The following NRG1 variants were observed in gnomAD, a reference collection of about 807,000 sequenced individuals.
The protein encoded by NRG1 is neuregulin 1.
A neutral mutation model predicts 63.8 loss-of-function variants in NRG1; 18 were observed. The ratio of observed to expected loss-of-function variants is 0.28; its 90% CI spans 0.19 to 0.42. NRG1 has a LOEUF of 0.42. Among genes scored for constraint, NRG1 ranks in the 10% least tolerant of loss-of-function variants. NRG1 has a pLI of 1.00. For missense variants in NRG1, 762 were observed against 814.7 expected (o/e 0.94, Z 0.79); for synonymous variants, 302 against 301.3 (o/e 1.00, Z -0.02).
At chr8:32,248,038 G>C (rs1848753769) in intron 1 of NRG1, among the ~76,000 whole-genome samples, 2 of 152,050 alleles carry the variant, frequency 1.3e-5, no homozygotes, top group African/African-American at 4.8e-5. Flanking sequence ...TTTCCCACAA[G>C]CGTTTTACAA....
intron 1 of NRG1, among the ~76,000 whole-genome samples, chr8:32,485,746 T>C (rs544418729): frequency 1.3e-5 from 2 of 152,236 alleles, no homozygotes; most frequent in South Asian, 4.1e-4. Flanking sequence ...TTGCTGCTTC[T>C]GTGGCATTTC....
intron 1 of NRG1, among the ~76,000 whole-genome samples, chr8:31,673,006 A>G (rs1481187907): frequency 6.6e-6 from 1 of 150,826 alleles, no homozygotes; most frequent in African/African-American, 2.4e-5. Context: ...GGAAAATAAT[A>G]TTACCACATT....
At chr8:32,094,445 T>A (rs1016847019) in intron 1 of NRG1, among the ~76,000 whole-genome samples, 2 of 152,192 alleles carry the variant, frequency 1.3e-5, no homozygotes, top group African/African-American at 4.8e-5. Context: ...GACCTTGTTA[T>A]CTTTCCACCA....
intron 1 of NRG1, among the ~76,000 whole-genome samples, chr8:32,323,710 A>AGG (rs1801681970): frequency 6.6e-6 from 1 of 152,088 alleles, no homozygotes; most frequent in Non-Finnish European, 1.5e-5. Flanking sequence ...TTTCTCCTTT[A>AGG]GCTCTCTAAT....
At chr8:31,816,290 C>T (rs555693728) in intron 1 of NRG1, among the ~76,000 whole-genome samples, 92 of 152,252 alleles carry the variant, frequency 6.0e-4, no homozygotes, top group African/African-American at 2.2e-3. Context: ...GCTCTGACTC[C>T]CTTTCTCCAG....
intron 1 of NRG1, among the ~76,000 whole-genome samples, chr8:32,563,342 G>A (rs1836813282): frequency 6.6e-6 from 1 of 152,166 alleles, no homozygotes. Context: ...GTAGGAAACA[G>A]CTTATCTTCT....
intron 1 of NRG1, among the ~76,000 whole-genome samples, chr8:32,355,252 A>T (rs890361013): frequency 6.6e-6 from 1 of 152,110 alleles, no homozygotes; most frequent in African/African-American, 2.4e-5. Context: ...TGAGCTCAGG[A>T]GTTCAAAACC....
intron 1 of NRG1, among the ~76,000 whole-genome samples, chr8:31,779,459 GA>G (rs57749982): frequency 0.015 from 2,182 of 145,642 alleles, 20 homozygotes; most frequent in African/African-American, 0.032. Context: ...GCCCAGAAGG[GA>G]AAAAAAAAAA....
chr8:32,221,251 A>G (rs966634781), intron 1 of NRG1: 9 of 152,230 alleles, frequency 5.9e-5, no homozygotes, highest in African/African-American at 2.2e-4. Flanking sequence ...GATCTACAGC[A>G]ATGCAATGTT....
chr8:32,553,767 A>G (rs753233172), intron 1 of NRG1, among the ~76,000 whole-genome samples: 23 of 152,198 alleles, frequency 1.5e-4, no homozygotes, highest in Non-Finnish European at 2.8e-4. Context: ...TTTATCAAGC[A>G]TAACAGTATA....
intron 5 of NRG1, among the ~76,000 whole-genome samples, chr8:32,676,638 A>G (rs1314158504): frequency 6.6e-6 from 1 of 152,206 alleles, no homozygotes; most frequent in Admixed American, 6.5e-5. Flanking sequence ...AACTTTAACA[A>G]CGGCTGACAC....
intron 1 of NRG1, among the ~76,000 whole-genome samples, chr8:32,301,814 A>G (rs1855597769): frequency 6.6e-6 from 1 of 152,228 alleles, no homozygotes; most frequent in African/African-American, 2.4e-5. Context: ...TTCCTCCCAC[A>G]ACACGTAAGA....
intron 1 of NRG1, among the ~76,000 whole-genome samples, chr8:32,193,304 TTGTG>T (rs142841681): frequency 8.1e-5 from 12 of 148,066 alleles, no homozygotes; most frequent in Middle Eastern, 3.4e-3. Flanking sequence ...TTTTCTACCT[TTGTG>T]TGTGTGTGTG....
chr8:31,868,928 A>G (rs1829237075), intron 1 of NRG1, among the ~76,000 whole-genome samples: 1 of 152,210 alleles, frequency 6.6e-6, no homozygotes, highest in Admixed American at 6.5e-5. Context: ...GATCACCTCT[A>G]AAATCAGGAT....
intron 1 of NRG1, among the ~76,000 whole-genome samples, chr8:31,808,421 G>C (rs554949764): frequency 6.6e-6 from 1 of 151,846 alleles, no homozygotes; most frequent in Non-Finnish European, 1.5e-5. Flanking sequence ...AGATAATTTA[G>C]CCCATTCACA....
At chr8:32,344,204 C>T (rs1170832442) in intron 1 of NRG1, among the ~76,000 whole-genome samples, 1 of 152,140 alleles carries the variant, frequency 6.6e-6, no homozygotes, top group Non-Finnish European at 1.5e-5. Flanking sequence ...TTGTACCCAT[C>T]TGGGTTCTTC....
In NRG1 at chr8:32,247,560, T is replaced by C. The variant is rs1168247623; in HGVS notation, c.38-348268T>C. ...CAGTTTCAGATGCAATAGATATCAC[T>C]TAGGAATCAGTTTTGGGAGGGAAAA... On this transcript the variant is annotated intron_variant, in intron 1 of 10. Coordinates refer to the NRG1 transcript ENST00000519301. Among the ~76,000 whole-genome samples, 4 of 152,072 alleles carry C rather than the reference T, an allele frequency of 2.6e-5. No individual in the cohort carries two copies. The East Asian group carries it at 7.7e-4, about 29-fold the overall frequency.
At position 32,422,269 on chromosome 8, in the gene NRG1, T is replaced by C. The variant is rs141785177; in HGVS notation, c.38-173559T>C. Among the ~76,000 whole-genome samples the C allele has an allele frequency of 4.9e-3, 749 of 152,324 alleles. 3 individuals carry two copies. Among genetic ancestry groups the C allele is most frequent in the Admixed American group, 7.3e-3 (112 of 15,302 alleles). On this transcript the variant is annotated intron_variant, in intron 1 of 10. Transcript: ENST00000519301. ...ATGATCATATACCTATCCACACATA[T>C]GTATATGATCATATTAAACATATTA... is the stretch of plus-strand genomic sequence containing the variant.
At chr8:31,643,316 A>G (rs192154355) in intron 1 of NRG1, among the ~76,000 whole-genome samples, 29 of 152,340 alleles carry the variant, frequency 1.9e-4, no homozygotes, top group Non-Finnish European at 3.2e-4. Flanking sequence ...TCATTTTGTG[A>G]TATCATACCC....
Sources: gnomAD v4.1 joint callset for allele counts (sites outside exome capture counted in the v4.1 genomes callset) on GRCh38, gnomAD v4.1.1 for gene constraint, MANE v1.5 for transcripts, NCBI Gene and HGNC (gene_info 2026-07-23, HGNC 2026-07-21) for gene names.